TSC22D3: variants seen among roughly 807,000 people sequenced by gnomAD.
TSC22D3 encodes the protein TSC22 domain family member 3.
TSC22D3 carries 4 observed loss-of-function variants against 11.1 expected under a neutral mutation model. The observed-to-expected ratio is 0.36, with a 90% confidence interval of 0.18 to 0.83. TSC22D3 has a LOEUF of 0.83. TSC22D3 is among the 40% of genes least tolerant of loss of function. The pLI is 0.48. For missense variants in TSC22D3, 118 were observed against 159.4 expected (o/e 0.74, Z 1.40); for synonymous variants, 77 against 70.3 (o/e 1.10, Z -0.48).
chrX:107,737,802 C>A (rs1356223044), intron 1 of TSC22D3, among the ~76,000 whole-genome samples: 1 of 111,827 alleles, frequency 8.9e-6, no homozygotes, highest in Admixed American at 9.4e-5. Context: ...CCCATGAGTT[C>A]CCATTGAGAA....
intron 1 of TSC22D3, among the ~76,000 whole-genome samples, chrX:107,760,214 C>T (rs183607592): frequency 4.0e-4 from 45 of 112,897 alleles, no homozygotes; most frequent in Non-Finnish European, 3.8e-4. Context: ...CAGCCCCAGC[C>T]TGAGCAGAAG....
chrX:107,732,644 G>A (rs773614798), intron 1 of TSC22D3, among the ~76,000 whole-genome samples: 1 of 111,098 alleles, frequency 9.0e-6, no homozygotes, highest in Admixed American at 9.5e-5. Context: ...TAGTGAGTTG[G>A]GAGAGAGAGA....
intron 1 of TSC22D3, among the ~76,000 whole-genome samples, chrX:107,761,954 C>CT (rs1420995479): frequency 2.7e-5 from 3 of 111,855 alleles, no homozygotes; most frequent in African/African-American, 9.8e-5. Context: ...GGTGAAGTCC[C>CT]GTTAGCCTGT....
At chrX:107,767,107 C>T (rs7058702) in intron 1 of TSC22D3, among the ~76,000 whole-genome samples, 8 of 111,583 alleles carry the variant, frequency 7.2e-5, no homozygotes, top group South Asian at 3.8e-4. Context: ...CTAGATAGCA[C>T]GGAGCGGGAA....
intron 1 of TSC22D3, among the ~76,000 whole-genome samples, chrX:107,741,998 G>A (rs767940257): frequency 9.0e-6 from 1 of 111,234 alleles, no homozygotes; most frequent in Non-Finnish European, 1.9e-5. Context: ...AAGCACACCC[G>A]GAGCACGAGC....
intron 1 of TSC22D3, among the ~76,000 whole-genome samples, chrX:107,745,907 T>G (rs774689827): frequency 7.8e-4 from 88 of 112,593 alleles, no homozygotes; most frequent in Non-Finnish European, 1.4e-3. Context: ...AAGAGTTCTC[T>G]TGAAGGCACA....
At chrX:107,741,154 C>A (rs974781049) in intron 1 of TSC22D3, among the ~76,000 whole-genome samples, 2 of 112,304 alleles carry the variant, frequency 1.8e-5, no homozygotes, top group African/African-American at 6.5e-5. Flanking sequence ...CACTGCCACT[C>A]ACAGAACTAG....
chrX:107,772,126 G>A (rs1303277639), intron 1 of TSC22D3, among the ~76,000 whole-genome samples: 1 of 111,753 alleles, frequency 8.9e-6, no homozygotes, highest in Admixed American at 9.5e-5. Flanking sequence ...GAACGAAGCT[G>A]GGAGCCAGGG....
chrX:107,734,421 C>T (rs1928030087), intron 1 of TSC22D3, among the ~76,000 whole-genome samples: 1 of 112,678 alleles, frequency 8.9e-6, no homozygotes, highest in African/African-American at 3.2e-5. Flanking sequence ...CTCCTCTTCA[C>T]AAAGAAGGAA....
chrX:107,716,813 G>A, intron 1 of TSC22D3: 1 of 1,209,583 alleles, frequency 8.3e-7, no homozygotes, highest in South Asian at 1.8e-5. Flanking sequence ...GGTGTTCATG[G>A]CTCGGGCTGC....
chrX:107,743,140 T>G (rs894489194), intron 1 of TSC22D3, among the ~76,000 whole-genome samples: 60 of 112,770 alleles, frequency 5.3e-4, no homozygotes, highest in African/African-American at 1.5e-3. Flanking sequence ...GAGCGGCCCT[T>G]GGCCCTGAGC....
chrX:107,736,312 A>G (rs918837113), intron 1 of TSC22D3, among the ~76,000 whole-genome samples: 2 of 111,844 alleles, frequency 1.8e-5, no homozygotes, highest in Admixed American at 1.9e-4. Context: ...CATTAGTGAT[A>G]GAATTGGGAA....
intron 1 of TSC22D3, among the ~76,000 whole-genome samples, chrX:107,758,810 C>T (rs920657640): frequency 1.8e-5 from 2 of 112,140 alleles, no homozygotes; most frequent in African/African-American, 6.5e-5. Context: ...TTATTAACAA[C>T]TGCACATTAA....
At chrX:107,736,671 C>T (rs746855474) in intron 1 of TSC22D3, among the ~76,000 whole-genome samples, 17 of 111,244 alleles carry the variant, frequency 1.5e-4, no homozygotes, top group Non-Finnish European at 3.0e-4. Flanking sequence ...TTCCAACCAT[C>T]GTCTTTCGGT....
intron 1 of TSC22D3, 77 bp from the exon 2 acceptor site, chrX:107,716,027 C>A: frequency 9.7e-7 from 1 of 1,028,214 alleles, no homozygotes. Context: ...TGGCCAAAGT[C>A]CTCCATCTGC....
At chrX:107,746,424 A>G (rs1261752591) in intron 1 of TSC22D3, among the ~76,000 whole-genome samples, 2 of 111,026 alleles carry the variant, frequency 1.8e-5, no homozygotes, top group African/African-American at 6.6e-5. Flanking sequence ...ACACACAGAC[A>G]TACACACACA....
intron 1 of TSC22D3, among the ~76,000 whole-genome samples, chrX:107,725,397 T>TG (rs1366625919): frequency 9.0e-6 from 1 of 111,145 alleles, no homozygotes; most frequent in African/African-American, 3.3e-5. Flanking sequence ...GGAATAGGCG[T>TG]GGGGCGGGAG....
At chrX:107,748,832 G>C (rs1928795619) in intron 1 of TSC22D3, among the ~76,000 whole-genome samples, 1 of 112,345 alleles carries the variant, frequency 8.9e-6, no homozygotes. Context: ...AAATGCGAGG[G>C]ATTATTATTA....
chrX:107,752,497 G>A (rs896091293), intron 1 of TSC22D3, among the ~76,000 whole-genome samples: 2 of 111,773 alleles, frequency 1.8e-5, no homozygotes, highest in Non-Finnish European at 3.8e-5. Flanking sequence ...CTTTGTTATG[G>A]GTGGTGAGTT....
Sources: gnomAD v4.1 joint callset for allele counts (sites outside exome capture counted in the v4.1 genomes callset) on GRCh38, gnomAD v4.1.1 for gene constraint, MANE v1.5 for transcripts, NCBI Gene and HGNC (gene_info 2026-07-23, HGNC 2026-07-21) for gene names.